The following FOCAD variants were observed in gnomAD, a reference collection of about 807,000 sequenced individuals.
The protein encoded by FOCAD is KIAA1797.
Under a neutral mutation model 225.6 loss-of-function variants are expected in FOCAD, and 198 were observed. The ratio of observed to expected loss-of-function variants is 0.88; its 90% CI spans 0.78 to 0.99. The LOEUF (loss-of-function observed/expected upper bound fraction) is 0.99, where lower values mean the gene tolerates loss of function less well. FOCAD is among the 50% of genes least tolerant of loss of function. The pLI is 0.00. For synonymous variants in FOCAD, 897 were observed against 755.0 expected, an observed-to-expected ratio of 1.19 and a Z score of -3.08; for missense variants, 2,713 against 2,123.6, an observed-to-expected ratio of 1.28 and a Z score of -5.46.
intron 5 of FOCAD, among the ~76,000 whole-genome samples, chr9:20,749,079 C>A (rs1251011728): frequency 6.6e-6 from 1 of 151,980 alleles, no homozygotes; most frequent in African/African-American, 2.4e-5. Flanking sequence ...TTGTGGATCC[C>A]TAAGTACATT....
chr9:20,683,923 A>ACTATGCAGGGG (rs1822493308), upstream of FOCAD: 1 of 152,272 alleles, frequency 6.6e-6, no homozygotes, highest in African/African-American at 2.4e-5. Flanking sequence ...CAGGCTGCCA[A>ACTATGCAGGGG]CAGGACTACC....
At chr9:20,806,004 C>T (rs1822410683) in intron 11 of FOCAD, among the ~76,000 whole-genome samples, 1 of 152,148 alleles carries the variant, frequency 6.6e-6, no homozygotes, top group Non-Finnish European at 1.5e-5. Flanking sequence ...GTGCTAAGAG[C>T]TAATGAATCC....
At chr9:20,792,249 C>G (rs905099748) in intron 11 of FOCAD, among the ~76,000 whole-genome samples, 2 of 152,162 alleles carry the variant, frequency 1.3e-5, no homozygotes, top group Non-Finnish European at 2.9e-5. Flanking sequence ...GGTATCTGAA[C>G]TGAACATCAA....
At chr9:20,686,706 T>C (rs1406002258) in intron 1 of FOCAD, among the ~76,000 whole-genome samples, 1 of 152,184 alleles carries the variant, frequency 6.6e-6, no homozygotes, top group African/African-American at 2.4e-5. Flanking sequence ...CTTTAGGAGA[T>C]GAGAAATCTA....
chr9:20,723,501 A>T (rs1825953565), intron 4 of FOCAD, among the ~76,000 whole-genome samples: 1 of 152,218 alleles, frequency 6.6e-6, no homozygotes, highest in South Asian at 2.1e-4. Flanking sequence ...CTCAAAAGAG[A>T]AAAGTAGTGT....
At chr9:20,881,784 G>C in intron 19 of FOCAD, 87 bp from the exon 20 acceptor site, 2 of 1,328,742 alleles carry the variant, frequency 1.5e-6, no homozygotes, top group Non-Finnish European at 1.1e-6. Context: ...ATGTAGCTTA[G>C]TTGTTTGTAT....
chr9:20,993,416 T>G, intron 43 of FOCAD, 88 bp downstream of exon 43: 2 of 1,096,362 alleles, frequency 1.8e-6, no homozygotes, highest in Non-Finnish European at 2.7e-6. Flanking sequence ...GGTTGCAGGT[T>G]GAGTATCTCT....
intron 16 of FOCAD, 50 bp from the exon 17 acceptor site, chr9:20,865,874 TCA>T (rs1829184130): frequency 1.5e-6 from 2 of 1,328,200 alleles, no homozygotes; most frequent in Non-Finnish European, 2.1e-6. Flanking sequence ...TTATTTAGTC[TCA>T]GTTTTAGCTT....
intron 1 of FOCAD, among the ~76,000 whole-genome samples, chr9:20,708,364 T>C (rs1393696952): frequency 1.3e-5 from 2 of 152,212 alleles, no homozygotes; most frequent in African/African-American, 4.8e-5. Flanking sequence ...AAGTCCTGGA[T>C]TTTGTGTCTC....
At chr9:20,993,981 TAAG>T (rs550051086) in intron 43 of FOCAD, among the ~76,000 whole-genome samples, 31 of 152,338 alleles carry the variant, frequency 2.0e-4, no homozygotes, top group African/African-American at 7.2e-4. Context: ...ATATTTTCCA[TAAG>T]AAGTTTTTTC....
chr9:20,936,144 G>A (rs1177137140), intron 28 of FOCAD, among the ~76,000 whole-genome samples: 1 of 152,160 alleles, frequency 6.6e-6, no homozygotes, highest in Non-Finnish European at 1.5e-5. Context: ...GGAACGTCAG[G>A]CATGAATCCT....
chr9:20,814,798 C>T (rs909167416), intron 11 of FOCAD, among the ~76,000 whole-genome samples: 3 of 152,148 alleles, frequency 2.0e-5, no homozygotes, highest in East Asian at 1.9e-4. Flanking sequence ...TTTACTTCTC[C>T]CTCCTTTTTA....
At chr9:20,831,247 G>A (rs1825462100) in intron 15 of FOCAD, among the ~76,000 whole-genome samples, 1 of 152,060 alleles carries the variant, frequency 6.6e-6, no homozygotes, top group Admixed American at 6.6e-5. Flanking sequence ...TTTCAGCAGT[G>A]TTCAGGCCAG....
chr9:20,922,350 G>C (rs1279595626), intron 24 of FOCAD, among the ~76,000 whole-genome samples: 3 of 150,526 alleles, frequency 2.0e-5, no homozygotes, highest in African/African-American at 7.3e-5. Context: ...GTGGGGGGGT[G>C]GTGGTGAACA....
chr9:20,827,020 T>C (rs1332541962), intron 15 of FOCAD, among the ~76,000 whole-genome samples: 1 of 152,138 alleles, frequency 6.6e-6, no homozygotes, highest in African/African-American at 2.4e-5. Context: ...GAAATAATCT[T>C]TTTTAAAAAG....
chr9:20,780,523 A>G lies in FOCAD; in HGVS notation c.995-1204A>G, dbSNP rs190451063. Reference sequence around the variant, plus strand: ...AAACTGTACTGAACACTGCTAAGCCAATATATCATGTTGGAAAGTAAGGAA... The same window carrying G: ...AAACTGTACTGAACACTGCTAAGCCGATATATCATGTTGGAAAGTAAGGAA... On this transcript the variant is annotated intron_variant, in intron 9 of 43. Transcript: ENST00000338382. Among the ~76,000 whole-genome samples the G allele has an allele frequency of 1.6e-3, 250 of 152,328 alleles. 4 individuals are homozygous for G. Among genetic ancestry groups the G allele is most frequent in the African/African-American group, 5.7e-3 (237 of 41,580 alleles).
intron 11 of FOCAD, among the ~76,000 whole-genome samples, chr9:20,803,946 G>C (rs1822122612): frequency 6.6e-6 from 1 of 152,106 alleles, no homozygotes; most frequent in Non-Finnish European, 1.5e-5. Flanking sequence ...GTGGCCCTTT[G>C]CCACAGAGAT....
intron 24 of FOCAD, among the ~76,000 whole-genome samples, chr9:20,922,344 G>A (rs867238158): frequency 6.6e-6 from 1 of 152,076 alleles, no homozygotes; most frequent in Non-Finnish European, 1.5e-5. Flanking sequence ...ATTGAGGTGG[G>A]GGGGTGGTGG....
chr9:20,925,228 A>G (rs1166398375), intron 25 of FOCAD, among the ~76,000 whole-genome samples: 2 of 152,230 alleles, frequency 1.3e-5, no homozygotes, highest in East Asian at 3.8e-4. Context: ...GCCATGGAAT[A>G]TTTTAGCAGA....
Sources: allele counts gnomAD v4.1 joint callset (sites outside exome capture counted in the v4.1 genomes callset), GRCh38; gene constraint gnomAD v4.1.1; transcripts MANE v1.5; gene names NCBI Gene and HGNC (gene_info 2026-07-23, HGNC 2026-07-21).